The following ARNT2 variants were observed in gnomAD, a reference collection of about 807,000 sequenced individuals.
The protein encoded by ARNT2 is aryl hydrocarbon receptor nuclear translocator 2.
A neutral mutation model predicts 91.7 loss-of-function variants in ARNT2; 36 were observed. That is an observed-to-expected ratio of 0.39 (90% CI 0.30 to 0.52). The LOEUF (loss-of-function observed/expected upper bound fraction) is 0.52, where lower values mean the gene tolerates loss of function less well. ARNT2 is among the 20% of genes least tolerant of loss of function. ARNT2 has a pLI of 0.72. For synonymous variants in ARNT2, 365 were observed against 347.1 expected, an observed-to-expected ratio of 1.05 and a Z score of -0.57; for missense variants, 775 against 939.3, an observed-to-expected ratio of 0.83 and a Z score of 2.29.
intron 1 of ARNT2, chr15:80,441,359 T>C (rs1042422885): frequency 1.0e-5 from 10 of 985,420 alleles, no homozygotes; most frequent in Non-Finnish European, 1.2e-5. Context: ...GAAAGATCTT[T>C]GTTTAATCCC....
intron 14 of ARNT2, among the ~76,000 whole-genome samples, chr15:80,575,452 C>A (rs1159380189): frequency 6.6e-6 from 1 of 152,190 alleles, no homozygotes; most frequent in African/African-American, 2.4e-5. Flanking sequence ...CCCTCGATGA[C>A]CGAAGGAGGG....
intron 1 of ARNT2, among the ~76,000 whole-genome samples, chr15:80,415,310 C>T (rs1274840235): frequency 1.3e-5 from 2 of 152,252 alleles, no homozygotes; most frequent in Admixed American, 1.3e-4. Context: ...GCTTATCCAC[C>T]TAATTAAACA....
intron 17 of ARNT2, among the ~76,000 whole-genome samples, chr15:80,584,506 A>G (rs1898856987): frequency 6.6e-6 from 1 of 152,022 alleles, no homozygotes; most frequent in Non-Finnish European, 1.5e-5. Flanking sequence ...GGAACAGAGC[A>G]GGTAAGAATG....
chr15:80,588,798 TTAGG>T (rs1357295867), intron 17 of ARNT2, among the ~76,000 whole-genome samples: 1 of 152,220 alleles, frequency 6.6e-6, no homozygotes, highest in African/African-American at 2.4e-5. Context: ...TCATGGCTAG[TTAGG>T]TATCCCTCGT....
intron 1 of ARNT2, among the ~76,000 whole-genome samples, chr15:80,418,722 T>TA (rs1895820728): frequency 6.6e-6 from 1 of 152,192 alleles, no homozygotes; most frequent in Non-Finnish European, 1.5e-5. Context: ...ATCTGAAACT[T>TA]ACCTCTGTAG....
chr15:80,569,428 A>G (rs1191784828), intron 12 of ARNT2, among the ~76,000 whole-genome samples: 1 of 152,146 alleles, frequency 6.6e-6, no homozygotes, highest in Non-Finnish European at 1.5e-5. Flanking sequence ...TTGCAAGCAC[A>G]CCGAGGTTTA....
intron 8 of ARNT2, among the ~76,000 whole-genome samples, chr15:80,531,175 G>GT (rs1375788475): frequency 6.6e-6 from 1 of 152,220 alleles, no homozygotes; most frequent in Non-Finnish European, 1.5e-5. Context: ...ATGTGACAAT[G>GT]TAAGTCCCCG....
At chr15:80,515,870 CTTT>C (rs984547948) in intron 8 of ARNT2, among the ~76,000 whole-genome samples, 7 of 129,934 alleles carry the variant, frequency 5.4e-5, no homozygotes, top group Admixed American at 7.8e-5. Context: ...ATGAAGTATT[CTTT>C]TTTTTTTTTT....
chr15:80,405,041 C>T (rs917079407), intron 1 of ARNT2, among the ~76,000 whole-genome samples: 5 of 152,098 alleles, frequency 3.3e-5, no homozygotes, highest in African/African-American at 9.7e-5. Context: ...TGGTCCTTTG[C>T]GCCCTTTGCG....
intron 12 of ARNT2, among the ~76,000 whole-genome samples, chr15:80,565,937 T>C (rs759319097): frequency 2.0e-5 from 3 of 152,180 alleles, no homozygotes; most frequent in Non-Finnish European, 4.4e-5. Flanking sequence ...AGCTCCCAAC[T>C]GGGCAAGTCA....
At chr15:80,449,189 G>C (rs1159459535) in intron 1 of ARNT2, among the ~76,000 whole-genome samples, 1 of 152,178 alleles carries the variant, frequency 6.6e-6, no homozygotes, top group Non-Finnish European at 1.5e-5. Flanking sequence ...CCAAGAAAGG[G>C]GGTAAGTGCA....
intron 8 of ARNT2, among the ~76,000 whole-genome samples, chr15:80,524,677 C>T (rs1301581271): frequency 1.3e-5 from 2 of 152,024 alleles, no homozygotes; most frequent in Non-Finnish European, 2.9e-5. Flanking sequence ...CAGATCGAGA[C>T]CATCCTGGCC....
At chr15:80,410,046 G>A (rs572721968) in intron 1 of ARNT2, among the ~76,000 whole-genome samples, 1 of 152,338 alleles carries the variant, frequency 6.6e-6, no homozygotes, top group South Asian at 2.1e-4. Flanking sequence ...TGAGCAAGGG[G>A]CATGATCTGA....
chr15:80,581,857 A>G (rs1211536024), intron 17 of ARNT2, among the ~76,000 whole-genome samples: 1 of 152,250 alleles, frequency 6.6e-6, no homozygotes, highest in Admixed American at 6.5e-5. Flanking sequence ...CTCAGGCCAT[A>G]GAGGGTTAAG....
At chr15:80,533,762 G>A (rs944419532) in intron 8 of ARNT2, among the ~76,000 whole-genome samples, 54 of 152,240 alleles carry the variant, frequency 3.5e-4, no homozygotes, top group Non-Finnish European at 1.3e-4. Context: ...GAATCCCACT[G>A]CTCCTGTGCC....
At chr15:80,508,831 C>A (rs1046220752) in intron 6 of ARNT2, among the ~76,000 whole-genome samples, 3 of 152,100 alleles carry the variant, frequency 2.0e-5, no homozygotes, top group South Asian at 2.1e-4. Flanking sequence ...TGAAGAAATG[C>A]AGGAATGAAT....
At chr15:80,457,814 G>T (rs1461085657) in intron 2 of ARNT2, 115 bp from the exon 3 acceptor site, 1 of 1,108,872 alleles carries the variant, frequency 9.0e-7, no homozygotes. Flanking sequence ...GCCAAAGGTT[G>T]GGATCAATGG....
At chr15:80,455,642 G>A (rs978998529) in intron 2 of ARNT2, among the ~76,000 whole-genome samples, 1 of 152,066 alleles carries the variant, frequency 6.6e-6, no homozygotes, top group African/African-American at 2.4e-5. Flanking sequence ...TAGCACTGAA[G>A]TCCTAGATCC....
chr15:80,532,945 G>T (rs1324609000), intron 8 of ARNT2, among the ~76,000 whole-genome samples: 2 of 152,220 alleles, frequency 1.3e-5, no homozygotes, highest in Non-Finnish European at 2.9e-5. Flanking sequence ...GGGAGAAGCA[G>T]GAAGAAGAGG....
Sources: allele counts gnomAD v4.1 joint callset (sites outside exome capture counted in the v4.1 genomes callset), GRCh38; gene constraint gnomAD v4.1.1; transcripts MANE v1.5; gene names NCBI Gene and HGNC (gene_info 2026-07-23, HGNC 2026-07-21).